The following LYPD6 variants were observed in gnomAD, a reference collection of about 807,000 sequenced individuals.
The protein encoded by LYPD6 is LY6/PLAUR domain containing 6.
Under a neutral mutation model 22.7 loss-of-function variants are expected in LYPD6, and 15 were observed. The observed-to-expected ratio is 0.66, with a 90% CI of 0.44 to 1.02. The LOEUF (loss-of-function observed/expected upper bound fraction) is 1.02. Ranked by LOEUF, LYPD6 falls within the 50% of genes least tolerant of loss-of-function variation. The probability of loss-of-function intolerance (pLI) is 0.00; values close to 1 mark genes in which losing one functional copy is unlikely to be tolerated. For missense variants in LYPD6, 189 were observed against 208.4 expected (o/e 0.91, Z 0.57); for synonymous variants, 72 against 77.5 (o/e 0.93, Z 0.37).
At chr2:149,478,673 C>T (rs1412984577), downstream of LYPD6, among the ~76,000 whole-genome samples, 1 of 152,146 alleles carries the variant, frequency 6.6e-6, no homozygotes, top group African/African-American at 2.4e-5. Flanking sequence ...ATCTGCCAGC[C>T]TCAGCCTCCC....
chr2:149,347,733 A>G (rs1224319919), intron 1 of LYPD6, among the ~76,000 whole-genome samples: 1 of 152,168 alleles, frequency 6.6e-6, no homozygotes, highest in Non-Finnish European at 1.5e-5. Flanking sequence ...TTGAACAGAG[A>G]TTATGAGCTT....
At chr2:149,390,654 T>C (rs895124788) in intron 1 of LYPD6, among the ~76,000 whole-genome samples, 6 of 152,204 alleles carry the variant, frequency 3.9e-5, no homozygotes, top group African/African-American at 1.4e-4. Context: ...ATTTTAAATC[T>C]CAGTACCTCA....
intron 1 of LYPD6, among the ~76,000 whole-genome samples, chr2:149,403,757 T>C (rs1176451412): frequency 6.6e-6 from 1 of 152,108 alleles, no homozygotes; most frequent in Admixed American, 6.5e-5. Context: ...TTTGTCAATT[T>C]TGGCTTTTGT....
chr2:149,480,611 CCTT>C, the LYPD6 span, among the ~76,000 whole-genome samples: 1 of 152,132 alleles, frequency 6.6e-6, no homozygotes, highest in Non-Finnish European at 1.5e-5. Context: ...GCCTGGCTCT[CCTT>C]CTAGCTCTAA....
At chr2:149,411,924 A>G (rs1682856985) in intron 1 of LYPD6, among the ~76,000 whole-genome samples, 1 of 152,214 alleles carries the variant, frequency 6.6e-6, no homozygotes, top group South Asian at 2.1e-4. Flanking sequence ...GACCTAGTGT[A>G]CATTCTTGTT....
intron 1 of LYPD6, among the ~76,000 whole-genome samples, chr2:149,339,963 A>G (rs28695974): frequency 0.31 from 46,664 of 151,934 alleles, 7,325 homozygotes; most frequent in Middle Eastern, 0.38. Flanking sequence ...ATGAATTCAC[A>G]ACAACTTTTG....
intron 3 of LYPD6, 92 bp downstream of exon 3, chr2:149,449,239 T>TG: frequency 1.3e-6 from 1 of 757,556 alleles, no homozygotes; most frequent in Non-Finnish European, 2.2e-6. Context: ...GAGGCATGCT[T>TG]GCAATCTCAG....
At chr2:149,341,036 T>C (rs1473643986) in intron 1 of LYPD6, among the ~76,000 whole-genome samples, 2 of 152,204 alleles carry the variant, frequency 1.3e-5, no homozygotes, top group African/African-American at 4.8e-5. Context: ...TTAATAGAAG[T>C]AATATCCTGC....
chr2:149,386,791 GCA>G (rs1372437550), intron 1 of LYPD6, among the ~76,000 whole-genome samples: 7 of 152,206 alleles, frequency 4.6e-5, no homozygotes, highest in Non-Finnish European at 1.0e-4. Flanking sequence ...GTGGCAGCCT[GCA>G]GCCAAGCCAG....
rs575935427 is a variant in LYPD6, at chr2:149,424,033, G to A, written c.-71-13605G>A. Among the ~76,000 whole-genome samples the A allele has an allele frequency of 1.7e-4, 26 of 152,206 alleles. 1 individual carries two copies. The highest frequency in any genetic ancestry group is 6.8e-3 in the Middle Eastern group (2 of 294). The stretch of plus-strand genomic sequence containing the variant: ...GAAGATTTCCCCGAAAGATGCCATC[G>A]TCTCAAGATGGCTTTATCTTCTCAC... On this transcript the variant is annotated intron_variant, in intron 1 of 4. Transcript: ENST00000334166.
chr2:149,356,579 C>T (rs1681454321), intron 1 of LYPD6, among the ~76,000 whole-genome samples: 2 of 152,232 alleles, frequency 1.3e-5, no homozygotes, highest in South Asian at 4.2e-4. Context: ...ATATTGTAGA[C>T]AGGAGGAGAA....
chr2:149,391,602 A>G (rs1322710021), intron 1 of LYPD6, among the ~76,000 whole-genome samples: 1 of 152,060 alleles, frequency 6.6e-6, no homozygotes, highest in African/African-American at 2.4e-5. Context: ...CCTTCCATAT[A>G]CATTATTTGA....
chr2:149,408,180 A>AAG, intron 1 of LYPD6, among the ~76,000 whole-genome samples: 1 of 152,182 alleles, frequency 6.6e-6, no homozygotes, highest in Admixed American at 6.5e-5. Flanking sequence ...CTCGGGGGTC[A>AAG]GGGGTCAGGG....
chr2:149,435,985 A>G (rs1411977028), intron 1 of LYPD6, among the ~76,000 whole-genome samples: 1 of 152,234 alleles, frequency 6.6e-6, no homozygotes, highest in African/African-American at 2.4e-5. Context: ...AATACTATTC[A>G]CTTAATGTGG....
At chr2:149,484,070 C>CTTTATAATAGATTTTA in the LYPD6 span, among the ~76,000 whole-genome samples, 1 of 152,196 alleles carries the variant, frequency 6.6e-6, no homozygotes, top group South Asian at 2.1e-4. Context: ...ACACAGTGAG[C>CTTTATAATAGATTTTA]TTACAACAAA....
the LYPD6 span, among the ~76,000 whole-genome samples, chr2:149,482,557 T>C: frequency 6.6e-6 from 1 of 152,200 alleles, no homozygotes; most frequent in Non-Finnish European, 1.5e-5. Flanking sequence ...CTCATGTTTC[T>C]TCAGACCCCT....
chr2:149,461,886 G>A (rs905520890), intron 3 of LYPD6, among the ~76,000 whole-genome samples: 1 of 151,928 alleles, frequency 6.6e-6, no homozygotes, highest in East Asian at 1.9e-4. Context: ...AATAGGAATA[G>A]CGAGAAACTT....
At chr2:149,342,981 C>T (rs142289781) in intron 1 of LYPD6, among the ~76,000 whole-genome samples, 1 of 152,324 alleles carries the variant, frequency 6.6e-6, no homozygotes, top group Non-Finnish European at 1.5e-5. Context: ...CACTGCATTT[C>T]ATAGATAGAA....
intron 1 of LYPD6, among the ~76,000 whole-genome samples, chr2:149,408,610 T>G (rs1682782686): frequency 6.6e-6 from 1 of 152,200 alleles, no homozygotes; most frequent in Non-Finnish European, 1.5e-5. Flanking sequence ...TTTTTTAAAA[T>G]TTTTTCTTTG....
Sources: allele counts gnomAD v4.1 joint callset (sites outside exome capture counted in the v4.1 genomes callset), GRCh38; gene constraint gnomAD v4.1.1; transcripts MANE v1.5; gene names NCBI Gene and HGNC (gene_info 2026-07-23, HGNC 2026-07-21).